SVOP: variants seen among roughly 807,000 people sequenced by gnomAD.
SVOP encodes the protein synaptic vesicle 2-related protein.
A neutral mutation model predicts 69.1 loss-of-function variants in SVOP; 17 were observed. The observed-to-expected ratio is 0.25, with a 90% CI of 0.17 to 0.37. The LOEUF (loss-of-function observed/expected upper bound fraction) is 0.37. SVOP is among the 10% of genes least tolerant of loss of function. The probability of loss-of-function intolerance (pLI) is 1.00; values close to 1 mark genes in which losing one functional copy is unlikely to be tolerated. For synonymous variants in SVOP, 238 were observed against 238.6 expected, an observed-to-expected ratio of 1.00 and a Z score of 0.02; for missense variants, 435 against 597.5, an observed-to-expected ratio of 0.73 and a Z score of 2.84.
chr12:108,964,017 C>T (rs2040031623), intron 5 of SVOP, among the ~76,000 whole-genome samples: 1 of 151,984 alleles, frequency 6.6e-6, no homozygotes, highest in African/African-American at 2.4e-5. Flanking sequence ...TTATTAGCCC[C>T]ATGTTACAAG....
intron 2 of SVOP, among the ~76,000 whole-genome samples, chr12:108,981,243 T>G (rs1213246163): frequency 6.6e-6 from 1 of 152,302 alleles, no homozygotes; most frequent in African/African-American, 2.4e-5. Context: ...CACAATCCTA[T>G]GAGTTAAGGC....
At chr12:108,927,812 T>C (rs973338689) in intron 11 of SVOP, among the ~76,000 whole-genome samples, 17 of 152,060 alleles carry the variant, frequency 1.1e-4, no homozygotes, top group Non-Finnish European at 2.4e-4. Flanking sequence ...CCCAGGCTGG[T>C]CTTGAACTCC....
chr12:108,981,112 C>T (rs2040133220), intron 2 of SVOP, among the ~76,000 whole-genome samples: 1 of 152,118 alleles, frequency 6.6e-6, no homozygotes, highest in African/African-American at 2.4e-5. Flanking sequence ...TTTCCTCCAG[C>T]AAAAAATATC....
At chr12:108,986,560 TG>T (rs1164230018) in intron 1 of SVOP, among the ~76,000 whole-genome samples, 4 of 152,224 alleles carry the variant, frequency 2.6e-5, no homozygotes, top group Non-Finnish European at 5.9e-5. Context: ...CTAGTTTACT[TG>T]AAGCCATCCT....
At chr12:109,015,175 C>A (rs1348597402) in intron 1 of SVOP, among the ~76,000 whole-genome samples, 2 of 152,008 alleles carry the variant, frequency 1.3e-5, no homozygotes, top group Admixed American at 6.6e-5. Context: ...AGCTTTCTAG[C>A]GGGTGGATCC....
intron 4 of SVOP, among the ~76,000 whole-genome samples, chr12:108,976,614 CTTT>C (rs36192710): frequency 2.1e-5 from 3 of 142,412 alleles, no homozygotes; most frequent in Admixed American, 7.0e-5. Context: ...CTCTCTCTCT[CTTT>C]TTTTTTTTTT....
chr12:108,951,635 C>G (rs927208047), intron 6 of SVOP, among the ~76,000 whole-genome samples: 2 of 151,970 alleles, frequency 1.3e-5, no homozygotes, highest in East Asian at 1.9e-4. Context: ...GAACCACCAG[C>G]CTACACTCCA....
At chr12:108,931,889 G>A (rs1416317343) in intron 11 of SVOP, among the ~76,000 whole-genome samples, 1 of 152,010 alleles carries the variant, frequency 6.6e-6, no homozygotes, top group Non-Finnish European at 1.5e-5. Flanking sequence ...GTGGTGGAGA[G>A]CCAACTTGGT....
rs760331681 is a variant in SVOP, at chr12:108,954,113, CAAAAAAAA to C, written c.578+6802_578+6809del. On this transcript the variant is annotated intron_variant, in intron 6 of 15. Coordinates refer to ENST00000610966, the MANE Select transcript of SVOP (RefSeq NM_018711.5). ...TGGGTGACAGAGTAAGAATCTGTCT[CAAAAAAAA>C]AAAAAAAAAAAAAAGCTATTTAGTG... 6.1e-3 allele frequency among the ~76,000 whole-genome samples: 376 copies of C among 62,010 alleles called. 3 individuals are homozygous for C. Among genetic ancestry groups the C allele is most frequent in the African/African-American group, 0.019 (353 of 18,122 alleles). The allele number at this position is 62,010 out of a possible 152,430, so 40.7% of individuals were successfully genotyped here. A position where few individuals can be genotyped will look rare whatever the true frequency, so the allele number is the denominator to read the frequency against.
intron 1 of SVOP, among the ~76,000 whole-genome samples, chr12:109,013,856 C>G (rs768538961): frequency 2.6e-5 from 4 of 152,118 alleles, no homozygotes; most frequent in African/African-American, 9.7e-5. Flanking sequence ...CCCCCACCAC[C>G]GAGTTCCTGG....
intron 5 of SVOP, among the ~76,000 whole-genome samples, chr12:108,961,912 A>C (rs982550779): frequency 1.3e-5 from 2 of 152,158 alleles, no homozygotes; most frequent in African/African-American, 4.8e-5. Context: ...TCATTATTCT[A>C]ACATCTATTG....
At chr12:109,020,014 C>A (rs969918950) in intron 1 of SVOP, among the ~76,000 whole-genome samples, 1 of 152,260 alleles carries the variant, frequency 6.6e-6, no homozygotes, top group Admixed American at 6.5e-5. Flanking sequence ...AACCCCTGCC[C>A]CACCAATGTT....
At chr12:108,932,315 C>T (rs944987744) in intron 11 of SVOP, among the ~76,000 whole-genome samples, 1 of 152,122 alleles carries the variant, frequency 6.6e-6, no homozygotes, top group African/African-American at 2.4e-5. Flanking sequence ...CCATACCCAG[C>T]CATAATTTTA....
intron 5 of SVOP, among the ~76,000 whole-genome samples, chr12:108,970,153 T>C (rs2040070078): frequency 6.6e-6 from 1 of 152,238 alleles, no homozygotes; most frequent in Non-Finnish European, 1.5e-5. Context: ...AGCTGGAGTC[T>C]GCATCCTCTA....
intron 12 of SVOP, among the ~76,000 whole-genome samples, chr12:108,920,385 C>T (rs1030576489): frequency 6.6e-6 from 1 of 152,144 alleles, no homozygotes; most frequent in Non-Finnish European, 1.5e-5. Context: ...TTCACTGAAT[C>T]CAGGGAACAG....
chr12:109,007,835 C>T lies in SVOP; in HGVS notation c.35+12999G>A, dbSNP rs369320749. On this transcript the variant is annotated intron_variant, in intron 1 of 15. Transcript: ENST00000610966. The stretch of plus-strand genomic sequence containing the variant: ...GGAGGATCACCTGAGCCCAGGAGTT[C>T]GAGACCAACCTGGGCAACATGGCAA... Among the ~76,000 whole-genome samples the T allele has an allele frequency of 1.9e-4, 29 of 152,166 alleles. 3 individuals are homozygous for T. Among genetic ancestry groups the T allele is most frequent in the Admixed American group, 8.5e-4 (13 of 15,282 alleles).
At chr12:108,953,072 G>A (rs2039965501) in intron 6 of SVOP, among the ~76,000 whole-genome samples, 1 of 150,458 alleles carries the variant, frequency 6.6e-6, no homozygotes, top group African/African-American at 2.4e-5. Context: ...AGGGAGGAGA[G>A]AAGGAGGGTT....
intron 12 of SVOP, among the ~76,000 whole-genome samples, chr12:108,922,453 C>G (rs1287514907): frequency 6.6e-6 from 1 of 152,196 alleles, no homozygotes; most frequent in Non-Finnish European, 1.5e-5. Context: ...CCAGGAGTCT[C>G]ATGTCTTCTG....
chr12:109,020,753 T>TGGGGGGGGGGGGGGGG, intron 1 of SVOP, 81 bp downstream of exon 1: 1 of 317,722 alleles, frequency 3.1e-6, no homozygotes, highest in Non-Finnish European at 5.9e-6. Context: ...TGCAGAGATG[T>TGGGGGGGGGGGGGGGG]ACCCCCCCCC....
Sources: allele counts gnomAD v4.1 joint callset (sites outside exome capture counted in the v4.1 genomes callset), GRCh38; gene constraint gnomAD v4.1.1; transcripts MANE v1.5; gene names NCBI Gene and HGNC (gene_info 2026-07-23, HGNC 2026-07-21).